Variants in ABHD18 observed in about 807,000 individuals in gnomAD.
ABHD18 encodes the protein cardiolipin-specific deacylase, mitochondrial.
In ABHD18, 55 loss-of-function variants were observed where a neutral mutation model predicts 65.9. The observed-to-expected ratio is 0.84, with a 90% CI of 0.67 to 1.05. ABHD18 has a LOEUF of 1.05. Among genes scored for constraint, ABHD18 ranks in the 50% least tolerant of loss-of-function variants. The pLI is 0.00. For synonymous variants in ABHD18, 181 were observed against 180.2 expected (o/e 1.00, Z -0.04); for missense variants, 533 against 558.5 (o/e 0.95, Z 0.46).
At chr4:128,013,302 TTAAC>T (rs1477295359) in intron 7 of ABHD18, among the ~76,000 whole-genome samples, 2 of 152,114 alleles carry the variant, frequency 1.3e-5, no homozygotes, top group Non-Finnish European at 2.9e-5. Flanking sequence ...TGACTTTAGT[TTAAC>T]TAGGTAGTAG....
intron 12 of ABHD18, chr4:128,030,933 G>T: frequency 1.8e-6 from 2 of 1,135,170 alleles, no homozygotes; most frequent in Non-Finnish European, 2.2e-6. Flanking sequence ...AATATTAATG[G>T]CCAGGTATTT....
intron 12 of ABHD18, 142 bp from the exon 13 acceptor site, chr4:128,035,620 G>A (rs959983162): frequency 1.3e-5 from 7 of 540,246 alleles, no homozygotes; most frequent in Admixed American, 9.7e-5. Context: ...TCTGGGGAGG[G>A]TAACTGCCTA....
intron 7 of ABHD18, 29 bp from the exon 8 acceptor site, chr4:128,017,334 T>A (rs1257701095): frequency 3.1e-6 from 5 of 1,603,328 alleles, no homozygotes; most frequent in Non-Finnish European, 4.3e-6. Flanking sequence ...CATAAAATAA[T>A]CATTTTCTAT....
intron 10 of ABHD18, among the ~76,000 whole-genome samples, chr4:128,023,400 CTA>C (rs1756836577): frequency 1.5e-5 from 1 of 64,628 alleles, no homozygotes; most frequent in Non-Finnish European, 2.6e-5. Context: ...ACTCTTGTCT[CTA>C]CAAAAAAAAA....
chr4:127,971,150 A>G (rs1746695349), intron 1 of ABHD18, among the ~76,000 whole-genome samples: 1 of 150,720 alleles, frequency 6.6e-6, no homozygotes, highest in Non-Finnish European at 1.5e-5. Flanking sequence ...GCTACTCTAG[A>G]GGCTGCACTG....
At chr4:128,019,985 A>C in intron 8 of ABHD18, 95 bp from the exon 9 acceptor site, 2 of 735,094 alleles carry the variant, frequency 2.7e-6, no homozygotes, top group Non-Finnish European at 2.2e-6. Context: ...TTATCTGACC[A>C]ACTATTTACT....
At chr4:127,980,895 A>G (rs969098739) in intron 1 of ABHD18, among the ~76,000 whole-genome samples, 5 of 151,320 alleles carry the variant, frequency 3.3e-5, no homozygotes, top group African/African-American at 7.3e-5. Context: ...ACATACCTTC[A>G]TATTGTTGAA....
chr4:127,985,894 C>T (rs1021597634), intron 3 of ABHD18, among the ~76,000 whole-genome samples: 22 of 152,004 alleles, frequency 1.4e-4, no homozygotes, highest in African/African-American at 4.1e-4. Context: ...GTAGTTCCAG[C>T]TTTCCAGCTA....
chr4:128,019,536 G>C (rs775323822), intron 8 of ABHD18, among the ~76,000 whole-genome samples: 2 of 152,116 alleles, frequency 1.3e-5, no homozygotes, highest in Admixed American at 1.3e-4. Context: ...TTTCCCTTCT[G>C]ATTCCTCCAG....
intron 1 of ABHD18, among the ~76,000 whole-genome samples, chr4:127,966,864 A>G (rs1221271865): frequency 6.6e-6 from 1 of 150,710 alleles, no homozygotes; most frequent in Non-Finnish European, 1.5e-5. Context: ...CAGCCTGGGC[A>G]ACAGAGTGAG....
intron 4 of ABHD18, among the ~76,000 whole-genome samples, chr4:127,993,583 GA>G (rs915219933): frequency 6.6e-6 from 1 of 150,732 alleles, no homozygotes; most frequent in Admixed American, 6.6e-5. Flanking sequence ...TAAGAAAAAA[GA>G]AAAAAAAATT....
In ABHD18 at chr4:128,035,821, A is replaced by G. The variant is rs1334579434; in HGVS notation, c.*8A>G. Reference sequence around the variant, plus strand: ...CATAAATACGCTAACTAGTTGGATTATTATATGTAACCAGTGTGGCCATGA... The same window carrying G: ...CATAAATACGCTAACTAGTTGGATTGTTATATGTAACCAGTGTGGCCATGA... On this transcript the variant is annotated 3_prime_UTR_variant, in exon 13 of 13. Coordinates refer to ENST00000645843, the MANE Select transcript of ABHD18 (RefSeq NM_001358451.3). The G allele has an allele frequency of 2.6e-5, 40 of 1,521,348 alleles. No individual in the cohort carries two copies. Among genetic ancestry groups the G allele is most frequent in the Non-Finnish European group, 3.6e-5 (40 of 1,124,122 alleles). 94.2% of individuals were successfully genotyped at this position (1,521,348 alleles called of 1,614,324 possible).
rs1278736222 is a variant in ABHD18, at chr4:128,008,952, G to A, written c.311G>A (p.Ser104Asn). ...TTTATTGTGCCTAAAGAATGGAACA[G>A]CAAATATAGACCTGTATGCATTCAT... ...FQFIVPKEWN[S>N]KYRPVCIHLA... Residue 104 changes from serine (S) to asparagine (N), a missense_variant, in exon 5 of 13, where the codon AGC (serine) becomes AAC (asparagine). Ser to Asn is a conservative substitution (Grantham distance 46). Around this residue, in one of 3 missense-constraint regions of ABHD18, gnomAD observed 309 missense variants for 313.5 expected, o/e 0.99. Coordinates refer to ENST00000645843, the MANE Select transcript of ABHD18 (RefSeq NM_001358451.3). The A allele has an allele frequency of 6.2e-7, 1 of 1,610,302 alleles. No homozygotes were observed.
chr4:127,980,953 A>AT lies in ABHD18; in HGVS notation c.-17-1977dup, dbSNP rs959120287. Reference sequence around the variant, plus strand: ...TTTTTTAATTTAAAAACAGTATTTAATTTTTTTTTCTTGCCTTTCCCTTAT... The same window carrying AT: ...TTTTTTAATTTAAAAACAGTATTTAATTTTTTTTTTCTTGCCTTTCCCTTAT... On this transcript the variant is annotated intron_variant, in intron 1 of 12. Transcript: ENST00000645843. Among the ~76,000 whole-genome samples, 8 of 151,346 alleles carry AT rather than the reference A, an allele frequency of 5.3e-5. No individual in the cohort carries two copies. In the South Asian group the frequency reaches 1.7e-3, roughly 32 times the overall value.
At chr4:128,004,255 C>G (rs992058053) in intron 4 of ABHD18, among the ~76,000 whole-genome samples, 1 of 151,700 alleles carries the variant, frequency 6.6e-6, no homozygotes, top group African/African-American at 2.4e-5. Flanking sequence ...GGTTCGAGAC[C>G]AGCCTGGCCA....
In ABHD18 at chr4:128,030,570, G is replaced by T; in HGVS notation, c.1241G>T (p.Arg414Leu). ...VQAKEDAYIP[R>L]TGVRSLQEIW... is the part of the protein sequence containing the mutation. ...GCCAAAGAAGATGCCTATATTCCAC[G>T]AACAGGAGTTCGAAGTTTACAAGAA... Residue 414 changes from arginine to leucine, a missense_variant, in exon 12 of 13, where the codon CGA (arginine) becomes CTA (leucine). Around this residue, in one of 3 missense-constraint regions of ABHD18, gnomAD observed 220 missense variants for 226.8 expected, o/e 0.97. Coordinates refer to ENST00000645843, the MANE Select transcript of ABHD18 (RefSeq NM_001358451.3). The T allele has an allele frequency of 6.2e-7, 1 of 1,608,384 alleles. No homozygotes were observed. The highest frequency in any genetic ancestry group is 8.5e-7 in the Non-Finnish European group (1 of 1,179,040).
intron 1 of ABHD18, among the ~76,000 whole-genome samples, chr4:127,982,081 A>T (rs1029190300): frequency 1.1e-4 from 16 of 152,202 alleles, no homozygotes; most frequent in Non-Finnish European, 1.5e-4. Context: ...AATAGAAGAT[A>T]AAAGGGATGG....
rs530111747 is a variant in ABHD18, at chr4:128,028,544, C to G, written c.871C>G (p.Leu291Val). The G allele has an allele frequency of 1.9e-6, 3 of 1,610,914 alleles. No homozygotes were observed. The African/African-American group carries it at 4.0e-5, about 21-fold the overall frequency. The part of the protein sequence containing the change: ...FTSSADKLTN[L>V]NLVSRTLNLD... ...TAGCAGTGCAGACAAGCTAACTAAC[C>G]TTAATCTGGTTTCCAGAACTTTAAA... Residue 291 changes from leucine to valine, a missense_variant, in exon 11 of 13, where the codon CTT becomes GTT. Leu to Val is a conservative substitution (Grantham distance 32, BLOSUM62 1). Around this residue, in one of 3 missense-constraint regions of ABHD18, gnomAD observed 220 missense variants for 226.8 expected, o/e 0.97. Coordinates refer to ENST00000645843, the MANE Select transcript of ABHD18 (RefSeq NM_001358451.3).
At chr4:127,975,568 T>G (rs908859917) in intron 1 of ABHD18, among the ~76,000 whole-genome samples, 1 of 152,230 alleles carries the variant, frequency 6.6e-6, no homozygotes, top group Non-Finnish European at 1.5e-5. Context: ...TCCATTCATC[T>G]GCCAATGGAC....
Sources: gnomAD v4.1 joint callset for allele counts (sites outside exome capture counted in the v4.1 genomes callset) on GRCh38, gnomAD v4.1.1 for gene constraint, gnomAD v4.1.1 regional missense constraint, MANE v1.5 for transcripts, NCBI Gene and HGNC (gene_info 2026-07-23, HGNC 2026-07-21) for gene names.